Variants in EYS observed in about 807,000 individuals in gnomAD.
EYS encodes the protein EGF-like photoreceptor maintenance factor, also known as protein eyes shut homolog.
In EYS, 250 loss-of-function variants were observed where a neutral mutation model predicts 282.1. The ratio of observed to expected loss-of-function variants is 0.89; its 90% CI spans 0.80 to 0.98. The LOEUF is 0.98. Among genes scored for constraint, EYS ranks in the 50% least tolerant of loss-of-function variants. The pLI is 0.00. For synonymous variants in EYS, 1,355 were observed against 1,282.9 expected (o/e 1.06, Z -1.20); for missense variants, 4,016 against 3,709.0 (o/e 1.08, Z -2.15).
chr6:63,832,608 C>T lies in EYS; in HGVS notation c.7229-26236G>A, dbSNP rs145418108. Among the ~76,000 whole-genome samples, 175 of 152,134 alleles carry T rather than the reference C, an allele frequency of 1.2e-3. 1 individual carries two copies. Among genetic ancestry groups the T allele is most frequent in the Middle Eastern group, 6.8e-3 (2 of 294 alleles). On this transcript the variant is annotated intron_variant, in intron 36 of 42. Coordinates refer to ENST00000503581, the MANE Select transcript of EYS (RefSeq NM_001142800.2). Reference sequence around the variant, plus strand: ...CAACCCAAAAAAGTCCAGGACCAGACGGATTCACAGCCTAATTCTACCAGA... The same window carrying T: ...CAACCCAAAAAAGTCCAGGACCAGATGGATTCACAGCCTAATTCTACCAGA...
chr6:63,893,236 A>G (rs1163709619), intron 35 of EYS, among the ~76,000 whole-genome samples: 1 of 152,216 alleles, frequency 6.6e-6, no homozygotes, highest in East Asian at 1.9e-4. Flanking sequence ...GTATATACCC[A>G]AAGGATTGTA....
intron 19 of EYS, among the ~76,000 whole-genome samples, chr6:64,866,313 A>G (rs920240143): frequency 6.6e-6 from 1 of 151,940 alleles, no homozygotes; most frequent in Non-Finnish European, 1.5e-5. Flanking sequence ...CAGTTGATTA[A>G]TTGCATCCTA....
At chr6:64,757,786 G>T (rs988003847) in intron 22 of EYS, among the ~76,000 whole-genome samples, 3 of 131,808 alleles carry the variant, frequency 2.3e-5, no homozygotes, top group Admixed American at 1.5e-4. Context: ...GTGTGTGTGT[G>T]TTTTGTTTGT....
intron 29 of EYS, among the ~76,000 whole-genome samples, chr6:64,314,056 A>T (rs2150380103): frequency 6.6e-6 from 1 of 152,258 alleles, no homozygotes; most frequent in Admixed American, 6.5e-5. Flanking sequence ...TGCCCCAATT[A>T]AAAGACACAG....
chr6:64,858,289 G>C (rs907349954), intron 19 of EYS, among the ~76,000 whole-genome samples: 2 of 152,132 alleles, frequency 1.3e-5, no homozygotes, highest in Non-Finnish European at 2.9e-5. Flanking sequence ...GTATGAGACA[G>C]GGATCCAATA....
intron 15 of EYS, among the ~76,000 whole-genome samples, chr6:64,926,030 C>G (rs11754641): frequency 0.032 from 4,874 of 152,212 alleles, 133 homozygotes; most frequent in East Asian, 0.13. Flanking sequence ...ACCTGCTGTG[C>G]TCTCGTACTC....
intron 36 of EYS, among the ~76,000 whole-genome samples, chr6:63,819,376 T>C (rs1166814596): frequency 6.6e-6 from 1 of 152,198 alleles, no homozygotes; most frequent in Non-Finnish European, 1.5e-5. Context: ...GCCAAAAGCC[T>C]CTGAATGAGT....
intron 2 of EYS, among the ~76,000 whole-genome samples, chr6:65,499,406 C>A (rs1416119872): frequency 6.6e-6 from 1 of 151,912 alleles, no homozygotes; most frequent in South Asian, 2.1e-4. Flanking sequence ...TCTATTTGCA[C>A]TCAATAGACA....
chr6:65,382,479 G>GTGTGTGTGTT (rs1765654711), intron 8 of EYS, among the ~76,000 whole-genome samples: 1 of 151,084 alleles, frequency 6.6e-6, no homozygotes, highest in Non-Finnish European at 1.5e-5. Context: ...GTGTGTGTGT[G>GTGTGTGTGTT]TGTGTGTGTG....
At position 64,802,022 on chromosome 6, in the gene EYS, T is replaced by TG. The variant is rs1562199348; in HGVS notation, c.3443+11355_3443+11356insC. The stretch of plus-strand genomic sequence containing the variant: ...AAGAGAGTTATAACAAATTTCTTTT[T>TG]CTTTTTTTTTCTTTTTTTTTTTTTT... On this transcript the variant is annotated intron_variant, in intron 22 of 42. Transcript: ENST00000503581. 1.8e-4 allele frequency among the ~76,000 whole-genome samples: 24 copies of TG among 131,652 alleles called. 2 individuals are homozygous for TG. The highest frequency in any genetic ancestry group is 7.1e-4 in the African/African-American group (23 of 32,366). 86.4% of individuals were successfully genotyped at this position (131,652 alleles called of 152,430 possible). A position where few individuals can be genotyped will look rare whatever the true frequency, so the allele number is the denominator to read the frequency against.
chr6:64,466,854 A>G (rs576082339), intron 26 of EYS, among the ~76,000 whole-genome samples: 1 of 152,264 alleles, frequency 6.6e-6, no homozygotes, highest in East Asian at 1.9e-4. Flanking sequence ...GTTGCACATG[A>G]TAGATATATA....
At chr6:63,800,794 G>A (rs1770765998) in intron 37 of EYS, among the ~76,000 whole-genome samples, 1 of 152,176 alleles carries the variant, frequency 6.6e-6, no homozygotes, top group South Asian at 2.1e-4. Context: ...GACAGAGCGA[G>A]ACTCCGTCTC....
chr6:64,837,519 G>GA (rs1765419524), intron 19 of EYS, among the ~76,000 whole-genome samples: 1 of 149,674 alleles, frequency 6.7e-6, no homozygotes, highest in Admixed American at 6.7e-5. Flanking sequence ...ACATCAAAAT[G>GA]AAAAAAGAGT....
intron 8 of EYS, among the ~76,000 whole-genome samples, chr6:65,359,107 T>C (rs1764601806): frequency 6.6e-6 from 1 of 151,924 alleles, no homozygotes; most frequent in South Asian, 2.1e-4. Context: ...GTGAGAGGAG[T>C]AATTCTGGTA....
chr6:64,605,493 A>T (rs1403028166), intron 24 of EYS, among the ~76,000 whole-genome samples: 1 of 151,918 alleles, frequency 6.6e-6, no homozygotes, highest in African/African-American at 2.4e-5. Flanking sequence ...TACAGGTGCA[A>T]ATTATCAGTG....
chr6:65,638,148 T>A (rs899884507), intron 2 of EYS, among the ~76,000 whole-genome samples: 7 of 151,972 alleles, frequency 4.6e-5, no homozygotes, highest in African/African-American at 1.7e-4. Context: ...GACTCAGACA[T>A]ATGTCAGGAC....
At chr6:64,289,496 C>A (rs956209449) in intron 30 of EYS, among the ~76,000 whole-genome samples, 1 of 152,044 alleles carries the variant, frequency 6.6e-6, no homozygotes, top group South Asian at 2.1e-4. Context: ...CTCTACCTCT[C>A]CCAAATACTT....
intron 35 of EYS, among the ~76,000 whole-genome samples, chr6:63,982,643 C>T (rs1450330310): frequency 2.0e-5 from 3 of 151,706 alleles, no homozygotes. Context: ...TAGTCTAATC[C>T]TGGAAGTGAT....
intron 12 of EYS, among the ~76,000 whole-genome samples, chr6:65,169,704 T>TA (rs1462615401): frequency 2.0e-5 from 3 of 151,464 alleles, no homozygotes; most frequent in Non-Finnish European, 4.4e-5. Flanking sequence ...TACTGACTTC[T>TA]ACCTAACTAC....
Sources: allele counts gnomAD v4.1 joint callset (sites outside exome capture counted in the v4.1 genomes callset), GRCh38; gene constraint gnomAD v4.1.1; transcripts MANE v1.5; gene names NCBI Gene and HGNC (gene_info 2026-07-23, HGNC 2026-07-21).